Variants in FAM171A2 observed in about 807,000 individuals in gnomAD.
The protein encoded by FAM171A2 is family with sequence similarity 171 member A2, also known as protein FAM171A2.
Under a neutral mutation model 34.2 loss-of-function variants are expected in FAM171A2, and 13 were observed. The observed-to-expected ratio is 0.38, with a 90% CI of 0.25 to 0.60. The LOEUF (loss-of-function observed/expected upper bound fraction) is 0.60. FAM171A2 is among the 20% of genes least tolerant of loss of function. The pLI is 0.62. For synonymous variants in FAM171A2, 475 were observed against 561.2 expected (o/e 0.85, Z 2.17); for missense variants, 950 against 1,180.7 (o/e 0.80, Z 2.86).
rs2048411620 is a variant in FAM171A2, at chr17:44,354,642, G to A, written c.1572C>T (p.Ser524=). The A allele has an allele frequency of 1.5e-6, 2 of 1,295,916 alleles. No individual in the cohort carries two copies. Among genetic ancestry groups the A allele is most frequent in the South Asian group, 2.1e-5 (1 of 47,070 alleles). The allele number at this position is 1,295,916 out of a possible 1,614,324, so 80.3% of individuals were successfully genotyped here. The change falls in exon 8 of 8, where the codon TCC becomes TCT. Residue 524 remains serine (S), a synonymous_variant. Transcript: ENST00000293443. The surrounding 1 kb of genome is among the most constrained non-coding windows in gnomAD (Gnocchi z 5.8). ...AGACGTTGTCCTTGAGGTGGTCGAT[G>A]GAGCCGCAGAAGATGAGCTGCCCCG... ...GQAGQLIFCG[S]IDHLKDNVYR... is the part of the protein sequence containing the mutation.
In FAM171A2 at chr17:44,355,456, C is replaced by A. The variant is rs141436046; in HGVS notation, c.1022+259G>T. ...TCTATGGGTGTGTCCGGCCTGGAGT[C>A]CTCTGGGAGAGAGAGCTGGGCTGGT... On this transcript the variant is annotated intron_variant, in intron 7 of 7. Transcript: ENST00000293443. This position sits in a 1 kb window ranked among gnomAD's most constrained non-coding sequence, Gnocchi z 4.1. Among the ~76,000 whole-genome samples, 1 of 152,350 alleles carries A rather than the reference C, an allele frequency of 6.6e-6. No individual in the cohort carries two copies. The highest frequency in any genetic ancestry group is 2.4e-5 in the African/African-American group (1 of 41,588).
At position 44,354,798 on chromosome 17, in the gene FAM171A2, G is replaced by A; in HGVS notation, c.1416C>T (p.His472=). ...RGPSGAAAFL[H]EPPSPPPPFD... ...AGGGCGGCGGCGGCGAGGGCGGCTC[G>A]TGCAGGAAGGCCGCAGCCCCCGAGG... The change falls in exon 8 of 8, where the codon CAC becomes CAT. Residue 472 remains histidine (H), a synonymous_variant. Coordinates refer to ENST00000293443, the MANE Select transcript of FAM171A2 (RefSeq NM_198475.3). This position sits in a 1 kb window ranked among gnomAD's most constrained non-coding sequence, Gnocchi z 5.8. 2.3e-6 allele frequency: 3 copies of A among 1,293,502 alleles called. No homozygotes were observed. The highest frequency in any genetic ancestry group is 2.9e-6 in the Non-Finnish European group (3 of 1,021,238). 80.1% of individuals were successfully genotyped at this position (1,293,502 alleles called of 1,614,324 possible). A position where few individuals can be genotyped will look rare whatever the true frequency, so the allele number is the denominator to read the frequency against.
intron 1 of FAM171A2, among the ~76,000 whole-genome samples, 168 bp downstream of exon 1, chr17:44,363,429 C>A (rs2048456018): frequency 6.6e-6 from 1 of 152,128 alleles, no homozygotes; most frequent in African/African-American, 2.4e-5. Context: ...CTCCCCGCCT[C>A]CACTTTCCCC....
chr17:44,359,864 G>A (rs1380406329), intron 2 of FAM171A2, 41 bp downstream of exon 2: 1 of 1,492,872 alleles, frequency 6.7e-7, no homozygotes, highest in African/African-American at 1.4e-5. Flanking sequence ...CTGATGGAGG[G>A]TCAGCTGCTG....
intron 1 of FAM171A2, among the ~76,000 whole-genome samples, chr17:44,362,146 C>G (rs1052115879): frequency 6.6e-6 from 1 of 152,082 alleles, no homozygotes; most frequent in African/African-American, 2.4e-5. Flanking sequence ...TTCCCCCTTT[C>G]CCTCAACCTG....
intron 3 of FAM171A2, chr17:44,358,909 G>A (rs1387288618): frequency 1.3e-5 from 2 of 152,738 alleles, no homozygotes; most frequent in Non-Finnish European, 2.9e-5. Context: ...TCACTCCTGA[G>A]TCGAGGGCTG....
At chr17:44,357,836 G>T (rs991312279) in intron 3 of FAM171A2, among the ~76,000 whole-genome samples, 3 of 151,556 alleles carry the variant, frequency 2.0e-5, no homozygotes, top group Non-Finnish European at 4.4e-5. Context: ...TTTAAGCTAT[G>T]CTGGGCACTG....
rs934819142 is a variant in FAM171A2 at position 44,353,922 on chromosome 17, G to A, written c.2292C>T (p.Ala764=). The change falls in exon 8 of 8, where the codon GCC becomes GCT. Residue 764 remains alanine, a synonymous_variant. Coordinates refer to ENST00000293443, the MANE Select transcript of FAM171A2 (RefSeq NM_198475.3). The stretch of plus-strand genomic sequence containing the variant: ...TGCGGCCCCGCCCCCGGGGTACCGT[G>A]GCCGCCCGGCCCTCGGGCGCCGCCA... ...DEVAAPEGRA[A]TVPRGRGRSR... is the part of the protein sequence containing the mutation. 1.5e-4 allele frequency: 190 copies of A among 1,296,400 alleles called. No individual in the cohort carries two copies. The highest frequency in any genetic ancestry group is 1.7e-4 in the Non-Finnish European group (179 of 1,028,314). The allele number at this position is 1,296,400 out of a possible 1,614,324, so 80.3% of individuals were successfully genotyped here. A position where few individuals can be genotyped will look rare whatever the true frequency, so the allele number is the denominator to read the frequency against.
Position 44,353,497 on chromosome 17 carries a change from C to T in FAM171A2, c.*236G>A. 4.1e-6 allele frequency: 1 copy of T among 241,868 alleles called. No homozygotes were observed. 15.0% of individuals were successfully genotyped at this position (241,868 alleles called of 1,614,324 possible). A position where few individuals can be genotyped will look rare whatever the true frequency, so the allele number is the denominator to read the frequency against. On this transcript the variant is annotated 3_prime_UTR_variant, in exon 8 of 8. Transcript: ENST00000293443. ...ACAGGCACTGCTTCCCCCCAGCCCT[C>T]CTCCCCGGCACCTCCCCGTGGGGGT...
In FAM171A2 at chr17:44,357,470, A is replaced by C. The variant is rs1215556439; in HGVS notation, c.440-882T>G. 2.6e-5 allele frequency among the ~76,000 whole-genome samples: 4 copies of C among 151,922 alleles called. No individual in the cohort carries two copies. The South Asian group carries it at 8.3e-4, about 32-fold the overall frequency. ...AAGACCAGCCTGGCCAAGATGGTGA[A>C]ACCCCATCTCTACTAAAACTACAAA... is the stretch of plus-strand genomic sequence containing the variant. On this transcript the variant is annotated intron_variant, in intron 3 of 7. Coordinates refer to ENST00000293443, the MANE Select transcript of FAM171A2 (RefSeq NM_198475.3).
chr17:44,359,955 C>G lies in FAM171A2; in HGVS notation c.296G>C (p.Arg99Pro), dbSNP rs558710790. The change falls in exon 2 of 8, where the codon CGC (arginine) becomes CCC (proline). Residue 99 changes from arginine to proline, a missense_variant. Transcript: ENST00000293443. ...LGTWVLVTAARPGFLTNSVPW... is the reference protein window; with the variant it reads ...LGTWVLVTAAPPGFLTNSVPW... ...CACAGAGTTGGTGAGGAAGCCAGGG[C>G]GGGCAGCAGTGACCAGCACCCAGGT... 1.3e-6 allele frequency: 2 copies of G among 1,550,588 alleles called. No individual in the cohort carries two copies. Among genetic ancestry groups the G allele is most frequent in the Non-Finnish European group, 1.7e-6 (2 of 1,146,302 alleles).
At chr17:44,356,945 TCTA>T (rs1160649668) in intron 3 of FAM171A2, among the ~76,000 whole-genome samples, 1 of 152,212 alleles carries the variant, frequency 6.6e-6, no homozygotes, top group Non-Finnish European at 1.5e-5. Flanking sequence ...GGGAATGTTT[TCTA>T]GGTGTGCTGC....
In FAM171A2 at chr17:44,356,472, G is replaced by T. The variant is rs1246232902; in HGVS notation, c.556C>A (p.Arg186=). Residue 186 remains arginine, a synonymous_variant, in exon 4 of 8, where the codon CGG becomes AGG. Transcript: ENST00000293443. ...GTGCCCAGGAAGGCAGGGAAAGCCC[G>T]CATTTCCTGCTGGGTGCTGGCAGGC... ...LTPASTQQEM[R]AFPAFLGTEA... 1.9e-6 allele frequency: 3 copies of T among 1,550,940 alleles called. No individual in the cohort carries two copies. The South Asian group carries it at 3.6e-5, about 18-fold the overall frequency.
chr17:44,354,732 C>T lies in FAM171A2; in HGVS notation c.1482G>A (p.Lys494=), dbSNP rs2048412494. ...YLGHKGAAEG[K]TPDFLLSQSV... ...ACTGCGACAGCAGGAAGTCGGGGGT[C>T]TTGCCCTCGGCCGCCCCCTTGTGGC... The change falls in exon 8 of 8, where the codon AAG becomes AAA. Residue 494 remains lysine, a synonymous_variant. Transcript: ENST00000293443. The surrounding 1 kb of genome is among the most constrained non-coding windows in gnomAD (Gnocchi z 5.8). The T allele has an allele frequency of 3.0e-6, 4 of 1,322,336 alleles. No individual in the cohort carries two copies. The highest frequency in any genetic ancestry group is 7.7e-5 in the Admixed American group (2 of 26,070). 81.9% of individuals were successfully genotyped at this position (1,322,336 alleles called of 1,614,324 possible). A position where few individuals can be genotyped will look rare whatever the true frequency, so the allele number is the denominator to read the frequency against.
Position 44,354,033 on chromosome 17 carries a change from G to T in FAM171A2, c.2181C>A (p.Ser727Arg). The change falls in exon 8 of 8, where the codon AGC (serine) becomes AGA (arginine). Residue 727 changes from serine to arginine, a missense_variant. Physicochemically the swap from Ser to Arg is moderately radical, Grantham distance 110 (BLOSUM62 -1). Coordinates refer to ENST00000293443, the MANE Select transcript of FAM171A2 (RefSeq NM_198475.3). This position sits in a 1 kb window ranked among gnomAD's most constrained non-coding sequence, Gnocchi z 5.8. ...PPPAPPRLALSEDTEPSSSES... is the reference protein window; with the variant it reads ...PPPAPPRLALREDTEPSSSES... Reference sequence around the variant, plus strand: ...CGCTGCTGCTGGGCTCCGTGTCCTCGCTGAGCGCCAGGCGCGGGGGCGCGG... The same window carrying T: ...CGCTGCTGCTGGGCTCCGTGTCCTCTCTGAGCGCCAGGCGCGGGGGCGCGG... The T allele has an allele frequency of 8.5e-7, 1 of 1,172,214 alleles. No homozygotes were observed. Among genetic ancestry groups the T allele is most frequent in the Non-Finnish European group, 1.1e-6 (1 of 950,226 alleles). 72.6% of individuals were successfully genotyped at this position (1,172,214 alleles called of 1,614,324 possible).
chr17:44,354,789 G>C lies in FAM171A2; in HGVS notation c.1425C>G (p.Pro475=), dbSNP rs1420695154. Residue 475 remains proline (P), a synonymous_variant, in exon 8 of 8, where the codon CCC becomes CCG. Coordinates refer to ENST00000293443, the MANE Select transcript of FAM171A2 (RefSeq NM_198475.3). This position sits in a 1 kb window ranked among gnomAD's most constrained non-coding sequence, Gnocchi z 5.8. The part of the protein sequence containing the change: ...SGAAAFLHEP[P]SPPPPFDHYL... Reference sequence around the variant, plus strand: ...AGTGGTCGAAGGGCGGCGGCGGCGAGGGCGGCTCGTGCAGGAAGGCCGCAG... The same window carrying C: ...AGTGGTCGAAGGGCGGCGGCGGCGACGGCGGCTCGTGCAGGAAGGCCGCAG... 6 of 1,296,822 alleles carry C rather than the reference G, an allele frequency of 4.6e-6. No individual in the cohort carries two copies. Among genetic ancestry groups the C allele is most frequent in the Non-Finnish European group, 5.9e-6 (6 of 1,022,740 alleles). 80.3% of individuals were successfully genotyped at this position (1,296,822 alleles called of 1,614,324 possible). A position where few individuals can be genotyped will look rare whatever the true frequency, so the allele number is the denominator to read the frequency against.
intron 1 of FAM171A2, among the ~76,000 whole-genome samples, 179 bp from the exon 2 acceptor site, chr17:44,360,311 T>C (rs2048443179): frequency 6.6e-6 from 1 of 152,230 alleles, no homozygotes; most frequent in Non-Finnish European, 1.5e-5. Context: ...TATCAGCCCA[T>C]GCCGGAGGTG....
In FAM171A2 at chr17:44,354,499, G is replaced by A; in HGVS notation, c.1715C>T (p.Pro572Leu). Residue 572 changes from proline (P) to leucine (L), a missense_variant, in exon 8 of 8, where the codon CCG becomes CTG. Physicochemically the swap from Pro to Leu is moderately conservative, Grantham distance 98. Around this residue, in one of 3 missense-constraint regions of FAM171A2, gnomAD observed 752 missense variants for 924.5 expected, o/e 0.81. Transcript: ENST00000293443. This position sits in a 1 kb window ranked among gnomAD's most constrained non-coding sequence, Gnocchi z 5.8. ...GTCGGGCTGGGGAAAAGCGCGCGCCGGGCCGGGTGCCGTGCCCTCCGGCGG... is the reference window on the plus strand; with the variant it reads ...GTCGGGCTGGGGAAAAGCGCGCGCCAGGCCGGGTGCCGTGCCCTCCGGCGG... The part of the protein sequence containing the change: ...PAPPEGTAPG[P>L]ARAFPQPDPQ... 4 of 1,091,844 alleles carry A rather than the reference G, an allele frequency of 3.7e-6. No individual in the cohort carries two copies. The highest frequency in any genetic ancestry group is 1.1e-6 in the Non-Finnish European group (1 of 898,712). 67.6% of individuals were successfully genotyped at this position (1,091,844 alleles called of 1,614,324 possible).
rs1349318443 is a variant in FAM171A2 at position 44,353,799 on chromosome 17, C to G, written c.2415G>C (p.Ala805=). 7.0e-7 allele frequency: 1 copy of G among 1,434,584 alleles called. No individual in the cohort carries two copies. The highest frequency in any genetic ancestry group is 9.1e-7 in the Non-Finnish European group (1 of 1,095,378). The allele number at this position is 1,434,584 out of a possible 1,614,324, so 88.9% of individuals were successfully genotyped here. The change falls in exon 8 of 8, where the codon GCG becomes GCC. Residue 805 remains alanine (A), a synonymous_variant. Transcript: ENST00000293443. ...DELGAEVGDE[A]GDKKSPWQRR... ...GCTGCCACGGGCTCTTCTTGTCTCC[C>G]GCCTCGTCGCCCACCTCCGCCCCCA...
Sources: gnomAD v4.1 joint callset for allele counts (sites outside exome capture counted in the v4.1 genomes callset) on GRCh38, gnomAD v4.1.1 for gene constraint, gnomAD v4.1.1 regional missense constraint, Gnocchi (gnomAD v3.1) non-coding constraint, MANE v1.5 for transcripts, NCBI Gene and HGNC (gene_info 2026-07-23, HGNC 2026-07-21) for gene names.